SETBP1: variants seen among roughly 807,000 people sequenced by gnomAD.
SETBP1 encodes the protein SET-binding protein.
A neutral mutation model predicts 101.0 loss-of-function variants in SETBP1; 9 were observed. The ratio of observed to expected loss-of-function variants is 0.09; its 90% confidence interval spans 0.05 to 0.16. The LOEUF (loss-of-function observed/expected upper bound fraction) is 0.16. Among genes scored for constraint, SETBP1 ranks in the 10% least tolerant of loss-of-function variants. The probability of loss-of-function intolerance (pLI) is 1.00; values close to 1 mark genes in which losing one functional copy is unlikely to be tolerated. For synonymous variants in SETBP1, 818 were observed against 788.5 expected (o/e 1.04, Z -0.63); for missense variants, 1,858 against 2,033.8 (o/e 0.91, Z 1.66).
At chr18:44,730,560 C>T (rs2069816843) in intron 2 of SETBP1, among the ~76,000 whole-genome samples, 3 of 152,192 alleles carry the variant, frequency 2.0e-5, no homozygotes, top group South Asian at 4.1e-4. Context: ...CTTGGTCTCT[C>T]CATCCAAGAG....
At chr18:45,009,870 T>G (rs2072802924) in intron 4 of SETBP1, among the ~76,000 whole-genome samples, 2 of 152,256 alleles carry the variant, frequency 1.3e-5, no homozygotes, top group African/African-American at 4.8e-5. Flanking sequence ...ACCATGCTGC[T>G]CATGCCTCCT....
chr18:45,059,607 A>G (rs1462517667), intron 5 of SETBP1, among the ~76,000 whole-genome samples: 1 of 152,146 alleles, frequency 6.6e-6, no homozygotes, highest in East Asian at 1.9e-4. Context: ...CTGTAGTTCA[A>G]GGTAGTTAGT....
At position 44,701,246 on chromosome 18, in the gene SETBP1, C is replaced by T; in HGVS notation, c.-101C>T. The T allele has an allele frequency of 7.5e-7, 1 of 1,338,658 alleles. No homozygotes were observed. Among genetic ancestry groups the T allele is most frequent in the Non-Finnish European group, 1.0e-6 (1 of 1,002,384 alleles). 82.9% of individuals were successfully genotyped at this position (1,338,658 alleles called of 1,614,324 possible). ...GGGAATCTGACCCTAGCAACTGGAC[C>T]ACTTTGTTCTTGGAATTTTGGGTGT... On this transcript the variant is annotated 5_prime_UTR_variant, in exon 2 of 6. Transcript: ENST00000649279.
rs908525448 is a variant in SETBP1, at chr18:44,778,327, A to C, written c.486+76495A>C. ...AAAAACCTGGAGCTAGAGGGGGGTCACCTAATCACTCACCATTTTTTCTCT... is the reference window on the plus strand; with the variant it reads ...AAAAACCTGGAGCTAGAGGGGGGTCCCCTAATCACTCACCATTTTTTCTCT... On this transcript the variant is annotated intron_variant, in intron 2 of 5. Transcript: ENST00000649279. 2.6e-5 allele frequency among the ~76,000 whole-genome samples: 4 copies of C among 152,152 alleles called. No homozygotes were observed. The East Asian group carries it at 7.7e-4, about 29-fold the overall frequency.
intron 3 of SETBP1, among the ~76,000 whole-genome samples, chr18:44,912,464 A>G (rs190483709): frequency 1.8e-4 from 28 of 152,178 alleles, no homozygotes; most frequent in African/African-American, 6.5e-4. Flanking sequence ...CTGTCTACAT[A>G]TTTTAAGGAA....
chr18:44,908,507 T>C (rs1184801923), intron 3 of SETBP1, among the ~76,000 whole-genome samples: 2 of 152,228 alleles, frequency 1.3e-5, no homozygotes, highest in Non-Finnish European at 2.9e-5. Flanking sequence ...GAGCAATAAG[T>C]ATCAGGGTTT....
Position 44,950,708 on chromosome 18 carries a change from G to A in SETBP1, c.1368G>A (p.Glu456=). The A allele has an allele frequency of 1.2e-6, 2 of 1,614,114 alleles. No homozygotes were observed. Among genetic ancestry groups the A allele is most frequent in the Non-Finnish European group, 1.7e-6 (2 of 1,180,010 alleles). Residue 456 remains glutamate (E), a synonymous_variant, in exon 4 of 6, where the codon GAG becomes GAA. Transcript: ENST00000649279. ...TTAACAGGATACTTTCCAACTCTGAGGGGAATAAGAAGGATCCCCGTGTCC... is the reference window on the plus strand; with the variant it reads ...TTAACAGGATACTTTCCAACTCTGAAGGGAATAAGAAGGATCCCCGTGTCC... ...EVVNRILSNS[E]GNKKDPRVPK... is the part of the protein sequence containing the mutation.
intron 4 of SETBP1, among the ~76,000 whole-genome samples, chr18:45,025,857 G>T (rs970697254): frequency 5.9e-5 from 9 of 152,100 alleles, no homozygotes; most frequent in Non-Finnish European, 1.0e-4. Flanking sequence ...TCCATAAAAG[G>T]TGAGGACATG....
At position 44,951,003 on chromosome 18, in the gene SETBP1, A is replaced by T; in HGVS notation, c.1663A>T (p.Met555Leu). 1 of 1,614,032 alleles carries T rather than the reference A, an allele frequency of 6.2e-7. No individual in the cohort carries two copies. The highest frequency in any genetic ancestry group is 8.5e-7 in the Non-Finnish European group (1 of 1,180,020). The change falls in exon 4 of 6, where the codon ATG becomes TTG. Residue 555 changes from methionine to leucine, a missense_variant. By Grantham distance (15) the Met-to-Leu change is conservative. Coordinates refer to ENST00000649279, the MANE Select transcript of SETBP1 (RefSeq NM_015559.3). The surrounding 1 kb of genome is among the most constrained non-coding windows in gnomAD (Gnocchi z 7.8). ...AGTTATGGCCACCTCTGATAAACTG[A>T]TGCTGGAGCCCCCGTCTGCATATCC... ...EAVMATSDKL[M>L]LEPPSAYPIT... is the part of the protein sequence containing the mutation.
intron 2 of SETBP1, among the ~76,000 whole-genome samples, chr18:44,801,475 G>C (rs768593103): frequency 6.6e-4 from 100 of 152,108 alleles, no homozygotes; most frequent in Non-Finnish European, 1.3e-3. Context: ...ACTGCCTTTG[G>C]AAAGTCATCC....
In SETBP1 at chr18:44,701,207, G is replaced by C; in HGVS notation, c.-140G>C. On this transcript the variant is annotated 5_prime_UTR_variant, in exon 2 of 6. Coordinates refer to ENST00000649279, the MANE Select transcript of SETBP1 (RefSeq NM_015559.3). ...TCTGATCTCTTCTGAACACCTCATC[G>C]TGTCTCCATCCCTGGGAATCTGACC... The C allele has an allele frequency of 1.2e-6, 1 of 864,224 alleles. No individual in the cohort carries two copies. Among genetic ancestry groups the C allele is most frequent in the Non-Finnish European group, 1.7e-6 (1 of 578,410 alleles). The allele number at this position is 864,224 out of a possible 1,614,324, so 53.5% of individuals were successfully genotyped here.
intron 5 of SETBP1, among the ~76,000 whole-genome samples, chr18:45,051,998 G>T (rs951952701): frequency 3.3e-5 from 5 of 151,350 alleles, no homozygotes; most frequent in Non-Finnish European, 5.9e-5. Flanking sequence ...AAAATAGATC[G>T]TAAGTGCTAA....
intron 2 of SETBP1, among the ~76,000 whole-genome samples, chr18:44,710,147 G>A (rs1260860214): frequency 6.6e-6 from 1 of 152,096 alleles, no homozygotes; most frequent in Non-Finnish European, 1.5e-5. Context: ...AAAGGCAAGA[G>A]AAACAATCCG....
At chr18:44,983,451 G>T (rs1301711972) in intron 4 of SETBP1, among the ~76,000 whole-genome samples, 3 of 152,148 alleles carry the variant, frequency 2.0e-5, no homozygotes, top group Non-Finnish European at 4.4e-5. Flanking sequence ...ATGAGGCATG[G>T]AGTGAAGAAG....
intron 2 of SETBP1, among the ~76,000 whole-genome samples, chr18:44,791,056 A>G (rs993251724): frequency 2.0e-5 from 3 of 152,210 alleles, no homozygotes; most frequent in African/African-American, 7.2e-5. Context: ...CCTGGAGTTT[A>G]GAGAAGTTCA....
At chr18:44,880,669 G>A (rs558791605) in intron 3 of SETBP1, among the ~76,000 whole-genome samples, 1 of 152,288 alleles carries the variant, frequency 6.6e-6, no homozygotes, top group East Asian at 1.9e-4. Context: ...TAAAGGGAAA[G>A]CAGGCACATC....
chr18:44,955,503 G>C (rs1414576971), intron 4 of SETBP1, among the ~76,000 whole-genome samples: 1 of 152,218 alleles, frequency 6.6e-6, no homozygotes, highest in East Asian at 1.9e-4. Context: ...CTTGTGTATA[G>C]TGTGCTTCCA....
intron 2 of SETBP1, among the ~76,000 whole-genome samples, chr18:44,741,677 G>C (rs1371227915): frequency 3.3e-5 from 5 of 152,160 alleles, no homozygotes; most frequent in South Asian, 2.1e-4. Context: ...TGGGAGGTGT[G>C]GGGTGGGAGA....
intron 2 of SETBP1, among the ~76,000 whole-genome samples, chr18:44,724,183 G>T (rs1040674068): frequency 1.3e-5 from 2 of 152,192 alleles, no homozygotes; most frequent in East Asian, 3.8e-4. Context: ...AGGGCTGGGG[G>T]TTTAGCTGGA....
Sources: gnomAD v4.1 joint callset for allele counts (sites outside exome capture counted in the v4.1 genomes callset) on GRCh38, gnomAD v4.1.1 for gene constraint, Gnocchi (gnomAD v3.1) non-coding constraint, MANE v1.5 for transcripts, NCBI Gene and HGNC (gene_info 2026-07-23, HGNC 2026-07-21) for gene names.